ANKRD36: variants seen among roughly 807,000 people sequenced by gnomAD.
ANKRD36 encodes ankyrin repeat domain 36, also known as ankyrin repeat domain-containing protein 36A.
In ANKRD36, 179 loss-of-function variants were observed where a neutral mutation model predicts 278.1. The observed-to-expected ratio is 0.64, with a 90% CI of 0.57 to 0.73. The LOEUF is 0.73. ANKRD36 is among the 30% of genes least tolerant of loss of function. The pLI, the probability that ANKRD36 is intolerant of heterozygous loss-of-function variation, is 0.00. For missense variants in ANKRD36, 1,159 were observed against 1,956.7 expected (o/e 0.59, Z 7.69); for synonymous variants, 320 against 641.1 (o/e 0.50, Z 7.57).
rs150660910 is a variant in ANKRD36 at position 97,147,154 on chromosome 2, T to C, written c.1034+638T>C. 1.2e-3 allele frequency among the ~76,000 whole-genome samples: 184 copies of C among 151,998 alleles called. 1 individual carries two copies. Among genetic ancestry groups the C allele is most frequent in the African/African-American group, 3.5e-3 (145 of 41,528 alleles). On this transcript the variant is annotated intron_variant, in intron 11 of 75. Transcript: ENST00000420699. Reference sequence around the variant, plus strand: ...TAGACCATGTTATGACAACTATATTTAGCATATATTAAAATGATATTTCTA... The same window carrying C: ...TAGACCATGTTATGACAACTATATTCAGCATATATTAAAATGATATTTCTA...
intron 28 of ANKRD36, 28 bp downstream of exon 28, chr2:97,183,682 A>G (rs2056772390): frequency 1.9e-6 from 3 of 1,551,110 alleles, no homozygotes; most frequent in Admixed American, 1.9e-5. Context: ...ATTTAATGTC[A>G]TGTGCACTCA....
intron 22 of ANKRD36, among the ~76,000 whole-genome samples, chr2:97,177,156 C>T (rs1649913676): frequency 6.6e-6 from 1 of 151,692 alleles, no homozygotes; most frequent in Admixed American, 6.6e-5. Context: ...AACTACAAAC[C>T]ACTGCTCAAG....
At chr2:97,226,717 T>C (rs1375049233) in intron 67 of ANKRD36, among the ~76,000 whole-genome samples, 1 of 151,772 alleles carries the variant, frequency 6.6e-6, no homozygotes, top group Non-Finnish European at 1.5e-5. Flanking sequence ...ATGTCCTGAA[T>C]GGTAATGCCT....
intron 64 of ANKRD36, among the ~76,000 whole-genome samples, chr2:97,217,857 G>T: frequency 6.6e-6 from 1 of 151,474 alleles, no homozygotes; most frequent in Non-Finnish European, 1.5e-5. Flanking sequence ...TGCAAGGCAA[G>T]AAAGAGGGGA....
intron 67 of ANKRD36, among the ~76,000 whole-genome samples, chr2:97,232,425 A>G (rs1319210948): frequency 7.5e-6 from 1 of 134,122 alleles, no homozygotes; most frequent in African/African-American, 3.2e-5. Flanking sequence ...TTTAAAATTC[A>G]TCACAAATAA....
At position 97,185,510 on chromosome 2, in the gene ANKRD36, G is replaced by C; in HGVS notation, c.2041G>C (p.Val681Leu). Residue 681 changes from valine (V) to leucine (L), a missense_variant and splice_region_variant, in exon 30 of 76, where the codon GTG becomes CTG. By Grantham distance (32) the Val-to-Leu change is conservative. Transcript: ENST00000420699. ...AAAGGATGGACTACAGTGTGGGACA[G>C]GTAATTTTGCAAAACACATTTAATG... ...EIKDGLQCGT[V>L]SSQKQPALKA... 1 of 1,610,186 alleles carries C rather than the reference G, an allele frequency of 6.2e-7. No homozygotes were observed. The highest frequency in any genetic ancestry group is 1.3e-5 in the African/African-American group (1 of 74,794).
At chr2:97,131,859 C>T (rs1462823448) in intron 6 of ANKRD36, among the ~76,000 whole-genome samples, 3 of 151,604 alleles carry the variant, frequency 2.0e-5, no homozygotes, top group Non-Finnish European at 4.4e-5. Context: ...GGCTGAGTCT[C>T]GCTCTGTTGC....
At chr2:97,190,624 AG>A (rs2058317920) in intron 34 of ANKRD36, among the ~76,000 whole-genome samples, 1 of 151,578 alleles carries the variant, frequency 6.6e-6, no homozygotes, top group Non-Finnish European at 1.5e-5. Context: ...GGGATCATGT[AG>A]CACCTGCTTT....
chr2:97,228,867 T>G (rs1385875526), intron 67 of ANKRD36, among the ~76,000 whole-genome samples: 16 of 152,022 alleles, frequency 1.1e-4, no homozygotes, highest in South Asian at 2.1e-4. Flanking sequence ...AAAGAACATC[T>G]TTATTTCTGC....
chr2:97,139,520 A>G (rs531887808), intron 6 of ANKRD36, among the ~76,000 whole-genome samples: 24 of 152,054 alleles, frequency 1.6e-4, no homozygotes, highest in Non-Finnish European at 2.9e-4. Flanking sequence ...GATTTATTGT[A>G]TGATCTAATG....
At chr2:97,221,681 C>G (rs2067731520) in intron 66 of ANKRD36, among the ~76,000 whole-genome samples, 1 of 150,634 alleles carries the variant, frequency 6.6e-6, no homozygotes, top group African/African-American at 2.5e-5. Flanking sequence ...GATATTAGCC[C>G]TTTGTCAGAT....
At chr2:97,121,305 C>T (rs1260220312) in intron 3 of ANKRD36, among the ~76,000 whole-genome samples, 1 of 152,000 alleles carries the variant, frequency 6.6e-6, no homozygotes, top group Non-Finnish European at 1.5e-5. Context: ...ATGCATATTG[C>T]AGACAACATT....
At chr2:97,133,612 A>C (rs1238074549) in intron 6 of ANKRD36, among the ~76,000 whole-genome samples, 1 of 151,960 alleles carries the variant, frequency 6.6e-6, no homozygotes, top group Non-Finnish European at 1.5e-5. Context: ...CAGTTAAGTT[A>C]TTTGCTTTAT....
Position 97,221,766 on chromosome 2 carries a change from G to A in ANKRD36, c.3877+2520G>A, listed in dbSNP as rs1476104120. Among the ~76,000 whole-genome samples the A allele has an allele frequency of 2.0e-5, 3 of 147,282 alleles. No homozygotes were observed. The East Asian group carries it at 6.2e-4, about 30-fold the overall frequency. ...GGATGGTAGTTTCTTTTGCTGTGCA[G>A]AAGCTCTTTAGTTTAATTAGATCCC... On this transcript the variant is annotated intron_variant, in intron 66 of 75. Coordinates refer to ENST00000420699, the MANE Select transcript of ANKRD36 (RefSeq NM_001354587.1).
chr2:97,226,129 G>A (rs1308399345), intron 67 of ANKRD36, among the ~76,000 whole-genome samples: 29 of 151,514 alleles, frequency 1.9e-4, no homozygotes, highest in Non-Finnish European at 3.2e-4. Context: ...TAGTCCTTTG[G>A]GTATATACCC....
At chr2:97,170,922 T>C (rs2052291010) in intron 22 of ANKRD36, among the ~76,000 whole-genome samples, 1 of 149,164 alleles carries the variant, frequency 6.7e-6, no homozygotes, top group South Asian at 2.2e-4. Flanking sequence ...AAAGAAGACA[T>C]TTATGCAGCC....
intron 68 of ANKRD36, among the ~76,000 whole-genome samples, chr2:97,235,311 T>C (rs1287950417): frequency 6.6e-6 from 1 of 150,924 alleles, no homozygotes; most frequent in Non-Finnish European, 1.5e-5. Flanking sequence ...TTGTCAGTCA[T>C]AAGCTGGTTG....
intron 26 of ANKRD36, among the ~76,000 whole-genome samples, chr2:97,182,924 A>C (rs2056581845): frequency 2.0e-5 from 3 of 151,718 alleles, no homozygotes; most frequent in African/African-American, 7.2e-5. Flanking sequence ...ACCTATATCC[A>C]AGCTGTTGAG....
At chr2:97,195,215 A>T (rs1316609394) in intron 40 of ANKRD36, among the ~76,000 whole-genome samples, 2 of 151,984 alleles carry the variant, frequency 1.3e-5, no homozygotes, top group Non-Finnish European at 2.9e-5. Flanking sequence ...GCATCTTTTC[A>T]TTAAGGGTGT....
Sources: allele counts gnomAD v4.1 joint callset (sites outside exome capture counted in the v4.1 genomes callset), GRCh38; gene constraint gnomAD v4.1.1; transcripts MANE v1.5; gene names NCBI Gene and HGNC (gene_info 2026-07-23, HGNC 2026-07-21).